Variants in PRKAR1B observed in about 807,000 individuals in gnomAD.
The protein encoded by PRKAR1B is protein kinase cAMP-dependent type I regulatory subunit beta.
In PRKAR1B, 22 loss-of-function variants were observed where a neutral mutation model predicts 46.5. The observed-to-expected ratio is 0.47, with a 90% CI of 0.34 to 0.68. The LOEUF (loss-of-function observed/expected upper bound fraction) is 0.68, where lower values mean the gene tolerates loss of function less well. Among genes scored for constraint, PRKAR1B ranks in the 30% least tolerant of loss-of-function variants. The probability of loss-of-function intolerance (pLI) is 0.01; values close to 1 mark genes in which losing one functional copy is unlikely to be tolerated. For missense variants in PRKAR1B, 445 were observed against 535.6 expected, an observed-to-expected ratio of 0.83 and a Z score of 1.67; for synonymous variants, 259 against 217.7, an observed-to-expected ratio of 1.19 and a Z score of -1.67.
rs1782154746 is a variant in PRKAR1B, at chr7:607,393, T to A, written c.500A>T (p.Gln167Leu). 1.2e-6 allele frequency: 2 copies of A among 1,613,616 alleles called. No individual in the cohort carries two copies. Among genetic ancestry groups the A allele is most frequent in the Non-Finnish European group, 1.7e-6 (2 of 1,179,570 alleles). Residue 167 changes from glutamine to leucine, a missense_variant and splice_region_variant, in exon 5 of 11, where the codon CAA becomes CTA. Gln to Leu is a moderately radical substitution (Grantham distance 113, BLOSUM62 -2). This residue lies in a region of PRKAR1B where 94 missense variants were observed against 126.9 expected (regional missense o/e 0.74). Transcript: ENST00000537384. ...THIAGETVIQ[Q>L]GNEGDNFYVV... Reference sequence around the variant, plus strand: ...TCCGAGGAGCAGGCAGAACGTACCTTGCTGTATAACAGTCTCCCCAGCGAT... The same window carrying A: ...TCCGAGGAGCAGGCAGAACGTACCTAGCTGTATAACAGTCTCCCCAGCGAT...
At chr7:727,131 C>T (rs1178099587) in intron 1 of PRKAR1B, 79 bp downstream of exon 1, 5 of 1,204,272 alleles carry the variant, frequency 4.2e-6, no homozygotes, top group Non-Finnish European at 5.2e-6. Flanking sequence ...CGCCCGAGGC[C>T]TGTGAGGAGC....
intron 4 of PRKAR1B, among the ~76,000 whole-genome samples, chr7:621,080 A>G (rs995771665): frequency 5.3e-5 from 8 of 152,250 alleles, no homozygotes; most frequent in African/African-American, 1.9e-4. Context: ...TGGATAGAGT[A>G]TTCTGAGGTT....
intron 2 of PRKAR1B, among the ~76,000 whole-genome samples, chr7:699,169 G>A (rs1779929275): frequency 1.3e-5 from 2 of 152,246 alleles, no homozygotes; most frequent in African/African-American, 4.8e-5. Context: ...AGGCATGCCT[G>A]GGTTTGCGCC....
At chr7:582,261 C>A (rs1780229374) in intron 8 of PRKAR1B, among the ~76,000 whole-genome samples, 2 of 152,236 alleles carry the variant, frequency 1.3e-5, no homozygotes, top group African/African-American at 4.8e-5. Flanking sequence ...TCCTAGGGGC[C>A]GAGCCCTGCG....
intron 4 of PRKAR1B, among the ~76,000 whole-genome samples, chr7:650,042 T>G (rs1784820769): frequency 6.7e-6 from 1 of 148,504 alleles, no homozygotes; most frequent in East Asian, 2.0e-4. Flanking sequence ...GGTCTCAAAC[T>G]CCTATGCTCA....
chr7:703,768 G>C (rs1342259338), intron 2 of PRKAR1B, among the ~76,000 whole-genome samples: 1 of 151,804 alleles, frequency 6.6e-6, no homozygotes, highest in East Asian at 1.9e-4. Context: ...GCAGCACACA[G>C]TGTTTCTAAG....
intron 4 of PRKAR1B, among the ~76,000 whole-genome samples, chr7:610,291 T>C (rs1370737357): frequency 1.3e-5 from 2 of 152,144 alleles, no homozygotes; most frequent in Non-Finnish European, 2.9e-5. Context: ...GAGGTTTCAG[T>C]CTCCAGAGGG....
At chr7:584,129 G>A (rs556073011) in intron 8 of PRKAR1B, among the ~76,000 whole-genome samples, 1 of 152,144 alleles carries the variant, frequency 6.6e-6, no homozygotes. Flanking sequence ...AAAGCAGCTC[G>A]ACCCAGCTCA....
At chr7:671,551 T>G (rs1786254351) in intron 4 of PRKAR1B, among the ~76,000 whole-genome samples, 1 of 152,114 alleles carries the variant, frequency 6.6e-6, no homozygotes, top group African/African-American at 2.4e-5. Context: ...CTTGAACTCC[T>G]GAGCTCGAGC....
chr7:688,409 A>G (rs1331943562), intron 2 of PRKAR1B, among the ~76,000 whole-genome samples: 3 of 151,786 alleles, frequency 2.0e-5, no homozygotes, highest in Admixed American at 2.0e-4. Context: ...ATCTCAAAAA[A>G]AAAAAAAATA....
intron 3 of PRKAR1B, 38 bp downstream of exon 3, chr7:680,512 TGCCGAG>T (rs1231874346): frequency 6.5e-7 from 1 of 1,546,618 alleles, no homozygotes; most frequent in East Asian, 2.3e-5. Context: ...GACAGCCACG[TGCCGAG>T]GCCTGGGGAC....
chr7:550,149 GA>G lies in PRKAR1B; in HGVS notation c.*280del. ...GGCAGGGGTGGGGTGGGCCCCCCAG[GA>G]GAAGCCCACAGAGGCAGCCGGGGAG... is the stretch of plus-strand genomic sequence containing the variant. On this transcript the variant is annotated 3_prime_UTR_variant, in exon 11 of 11. Coordinates refer to ENST00000537384, the MANE Select transcript of PRKAR1B (RefSeq NM_001164760.2). 1 of 428,362 alleles carries G rather than the reference GA, an allele frequency of 2.3e-6. No homozygotes were observed. The highest frequency in any genetic ancestry group is 4.3e-6 in the Non-Finnish European group (1 of 234,452). 26.5% of individuals were successfully genotyped at this position (428,362 alleles called of 1,614,324 possible). A position where few individuals can be genotyped will look rare whatever the true frequency, so the allele number is the denominator to read the frequency against.
chr7:630,632 G>C (rs887926487), intron 4 of PRKAR1B, among the ~76,000 whole-genome samples: 7 of 152,202 alleles, frequency 4.6e-5, no homozygotes, highest in African/African-American at 1.4e-4. Context: ...GGCCCCGGGG[G>C]GATCAAATGC....
rs143916652 is a variant in PRKAR1B, at chr7:594,671, T to C, written c.708+1475A>G. 5.3e-3 allele frequency among the ~76,000 whole-genome samples: 798 copies of C among 151,414 alleles called. 12 individuals are homozygous for C. The highest frequency in any genetic ancestry group is 0.018 in the African/African-American group (757 of 41,240). On this transcript the variant is annotated intron_variant, in intron 7 of 10. Coordinates refer to ENST00000537384, the MANE Select transcript of PRKAR1B (RefSeq NM_001164760.2). ...ACCCCAAGACCATGAGGGGACCCCC[T>C]AGACCACAAGGGGACCCCAAGACCA...
intron 4 of PRKAR1B, among the ~76,000 whole-genome samples, chr7:621,750 G>A (rs931767942): frequency 6.6e-6 from 1 of 152,216 alleles, no homozygotes; most frequent in Non-Finnish European, 1.5e-5. Context: ...GAGGGACCCA[G>A]GGGACTGAGT....
At chr7:620,529 G>A (rs1035826666) in intron 4 of PRKAR1B, among the ~76,000 whole-genome samples, 3 of 152,046 alleles carry the variant, frequency 2.0e-5, no homozygotes, top group Non-Finnish European at 4.4e-5. Context: ...TGTTGAGACA[G>A]ATTTAATATC....
intron 1 of PRKAR1B, among the ~76,000 whole-genome samples, chr7:715,389 C>T (rs1049407420): frequency 3.3e-5 from 5 of 152,096 alleles, no homozygotes; most frequent in African/African-American, 7.2e-5. Flanking sequence ...GCTTGGTCAT[C>T]GGACCACGTG....
At chr7:572,429 G>A (rs563048953) in intron 9 of PRKAR1B, among the ~76,000 whole-genome samples, 403 of 152,290 alleles carry the variant, frequency 2.6e-3, no homozygotes, top group Non-Finnish European at 4.5e-3. Context: ...AGAGAGACCC[G>A]CGGGGGTCTC....
At chr7:684,875 GACAC>G (rs142305067) in intron 2 of PRKAR1B, among the ~76,000 whole-genome samples, 227 of 145,486 alleles carry the variant, frequency 1.6e-3, no homozygotes, top group Non-Finnish European at 2.7e-3. Context: ...ACTTCACACA[GACAC>G]ACACACACAC....
Sources: gnomAD v4.1 joint callset for allele counts (sites outside exome capture counted in the v4.1 genomes callset) on GRCh38, gnomAD v4.1.1 for gene constraint, gnomAD v4.1.1 regional missense constraint, MANE v1.5 for transcripts, NCBI Gene and HGNC (gene_info 2026-07-23, HGNC 2026-07-21) for gene names.